Variants in RHOU observed in about 807,000 individuals in gnomAD.
The protein encoded by RHOU is ras homolog family member U, also known as rho-related GTP-binding protein RhoU.
In RHOU, 8 loss-of-function variants were observed where a neutral mutation model predicts 12.6. The observed-to-expected ratio is 0.64, with a 90% CI of 0.37 to 1.15. The LOEUF (loss-of-function observed/expected upper bound fraction) is 1.15, where lower values mean the gene tolerates loss of function less well. Among genes scored for constraint, RHOU ranks in the 50% most tolerant of loss-of-function variants. The probability of loss-of-function intolerance (pLI) is 0.01; values close to 1 mark genes in which losing one functional copy is unlikely to be tolerated. For missense variants in RHOU, 258 were observed against 347.0 expected, an observed-to-expected ratio of 0.74 and a Z score of 2.04; for synonymous variants, 161 against 147.4, an observed-to-expected ratio of 1.09 and a Z score of -0.67.
At chr1:228,681,392 C>T in the RHOU span, among the ~76,000 whole-genome samples, 2 of 152,024 alleles carry the variant, frequency 1.3e-5, no homozygotes, top group African/African-American at 4.8e-5. Context: ...GAGGAGCAGT[C>T]TGGGGAGGAG....
the RHOU span, among the ~76,000 whole-genome samples, chr1:228,670,086 G>A: frequency 6.6e-6 from 1 of 152,222 alleles, no homozygotes; most frequent in Non-Finnish European, 1.5e-5. Context: ...ATCTCATGCA[G>A]AATAGTAAGT....
the RHOU span, among the ~76,000 whole-genome samples, chr1:228,721,692 C>T: frequency 6.6e-6 from 1 of 152,218 alleles, no homozygotes; most frequent in Non-Finnish European, 1.5e-5. Context: ...CGGAGTTTCG[C>T]TCTGGTTGCC....
chr1:228,733,299 G>A (rs1221135790), upstream of RHOU, among the ~76,000 whole-genome samples: 1 of 152,182 alleles, frequency 6.6e-6, no homozygotes, highest in African/African-American at 2.4e-5. Context: ...CTCTAACAAT[G>A]TTGTGTTTTC....
the RHOU span, among the ~76,000 whole-genome samples, chr1:228,681,383 A>T: frequency 6.6e-6 from 1 of 152,064 alleles, no homozygotes; most frequent in African/African-American, 2.4e-5. Context: ...CGAGCTGAGG[A>T]GGAGCAGTCT....
chr1:228,650,234 G>A, the RHOU span: 1 of 457,508 alleles, frequency 2.2e-6, no homozygotes, highest in Non-Finnish European at 4.4e-6. Flanking sequence ...GGGCACCTGT[G>A]GAGTACGTGG....
At chr1:228,715,322 AAT>A in the RHOU span, among the ~76,000 whole-genome samples, 8 of 152,024 alleles carry the variant, frequency 5.3e-5, no homozygotes, top group African/African-American at 1.2e-4. Flanking sequence ...TTTAATTATC[AAT>A]ATGTTTTAGA....
the RHOU span, among the ~76,000 whole-genome samples, chr1:228,659,210 C>G: frequency 6.6e-6 from 1 of 152,024 alleles, no homozygotes; most frequent in Non-Finnish European, 1.5e-5. Flanking sequence ...GAAACCCTGT[C>G]TCTACTAAAA....
chr1:228,687,255 G>A, the RHOU span, among the ~76,000 whole-genome samples: 2 of 151,724 alleles, frequency 1.3e-5, no homozygotes, highest in South Asian at 4.2e-4. Flanking sequence ...CCTCCCCTCT[G>A]TACTCTTCTC....
At chr1:228,719,680 G>A in the RHOU span, among the ~76,000 whole-genome samples, 5 of 151,898 alleles carry the variant, frequency 3.3e-5, no homozygotes, top group African/African-American at 1.2e-4. Flanking sequence ...CAGTGAGCTG[G>A]GATCACACCA....
Position 228,738,172 on chromosome 1 carries a change from G to A in RHOU, c.321+441G>A, listed in dbSNP as rs913661373. On this transcript the variant is annotated intron_variant, in intron 2 of 2. Coordinates refer to ENST00000366691, the MANE Select transcript of RHOU (RefSeq NM_021205.6). The surrounding 1 kb of genome is among the most constrained non-coding windows in gnomAD (Gnocchi z 4.2). ...AAAAAGATGGAATTTACATCAGTAA[G>A]GGTTAATATTTCCCTTCCTGAGCTA... Among the ~76,000 whole-genome samples the A allele has an allele frequency of 6.6e-6, 1 of 152,316 alleles. No individual in the cohort carries two copies. The highest frequency in any genetic ancestry group is 2.4e-5 in the African/African-American group (1 of 41,560).
Position 228,735,701 on chromosome 1 carries a change from G to A in RHOU, c.-42G>A, listed in dbSNP as rs1260946833. On this transcript the variant is annotated 5_prime_UTR_variant, in exon 1 of 3. Transcript: ENST00000366691. This position sits in a 1 kb window ranked among gnomAD's most constrained non-coding sequence, Gnocchi z 8.1. ...CCGGGGCGGAGGGGCGGTCGGGCCG[G>A]GCCCTGCTAGCCCGCGACCGCAAGC... The A allele has an allele frequency of 1.7e-6, 2 of 1,192,440 alleles. No individual in the cohort carries two copies. The highest frequency in any genetic ancestry group is 2.1e-6 in the Non-Finnish European group (2 of 962,788). The allele number at this position is 1,192,440 out of a possible 1,614,324, so 73.9% of individuals were successfully genotyped here. A position where few individuals can be genotyped will look rare whatever the true frequency, so the allele number is the denominator to read the frequency against.
intron 2 of RHOU, among the ~76,000 whole-genome samples, chr1:228,739,439 CT>C (rs1479564273): frequency 2.0e-5 from 3 of 152,252 alleles, no homozygotes; most frequent in African/African-American, 7.2e-5. Flanking sequence ...TGCCGGGCGC[CT>C]GTAATAGCAG....
At chr1:228,689,613 G>A in the RHOU span, among the ~76,000 whole-genome samples, 7 of 152,068 alleles carry the variant, frequency 4.6e-5, no homozygotes, top group Admixed American at 6.5e-5. Flanking sequence ...CTGCATAGCC[G>A]GAGGTGAGCA....
the RHOU span, chr1:228,647,775 G>A: frequency 6.6e-6 from 1 of 152,422 alleles, no homozygotes; most frequent in African/African-American, 2.4e-5. Context: ...GCCTGGCTGT[G>A]CTGCAGGTTA....
the RHOU span, among the ~76,000 whole-genome samples, chr1:228,727,493 T>C: frequency 2.0e-5 from 3 of 152,186 alleles, no homozygotes; most frequent in East Asian, 3.9e-4. Context: ...TATTTTTTTG[T>C]AGAGACGAGG....
the RHOU span, among the ~76,000 whole-genome samples, chr1:228,659,955 C>CA: frequency 0.013 from 419 of 32,512 alleles, 3 homozygotes; most frequent in East Asian, 0.051. Flanking sequence ...CTGGTCTCTA[C>CA]AAAAAAAAAA....
Position 228,737,787 on chromosome 1 carries a change from C to T in RHOU, c.321+56C>T, listed in dbSNP as rs1662638258. On this transcript the variant is annotated intron_variant, in intron 2 of 2. Transcript: ENST00000366691. The surrounding 1 kb of genome is among the most constrained non-coding windows in gnomAD (Gnocchi z 4.1). ...AAAGGAAACAGCCTTTTAAAGATTT[C>T]CAAATAACCTTTGATTCCCTCAGTC... 9.6e-6 allele frequency: 15 copies of T among 1,561,046 alleles called. 1 individual carries two copies. Among genetic ancestry groups the T allele is most frequent in the Non-Finnish European group, 1.3e-5 (15 of 1,132,120 alleles).
the RHOU span, among the ~76,000 whole-genome samples, chr1:228,658,252 A>C: frequency 6.9e-6 from 1 of 145,884 alleles, no homozygotes; most frequent in Non-Finnish European, 1.5e-5. Context: ...AGGCTACTGC[A>C]CTCCAATGGG....
chr1:228,650,912 G>T, the RHOU span: 1 of 373,082 alleles, frequency 2.7e-6, no homozygotes. Context: ...ATGGATCCTT[G>T]TGGAAGAAGG....
Sources: allele counts gnomAD v4.1 joint callset (sites outside exome capture counted in the v4.1 genomes callset), GRCh38; gene constraint gnomAD v4.1.1; non-coding constraint Gnocchi (gnomAD v3.1); transcripts MANE v1.5; gene names NCBI Gene and HGNC (gene_info 2026-07-23, HGNC 2026-07-21).